Variants in KYNU observed in about 807,000 individuals in gnomAD.
KYNU encodes the protein kynureninase.
Under a neutral mutation model 59.2 loss-of-function variants are expected in KYNU, and 54 were observed. That is an observed-to-expected ratio of 0.91 (90% confidence interval 0.73 to 1.14). The LOEUF is 1.14. Among genes scored for constraint, KYNU ranks in the 50% most tolerant of loss-of-function variants. The pLI is 0.00. For synonymous variants in KYNU, 177 were observed against 192.0 expected, an observed-to-expected ratio of 0.92 and a Z score of 0.65; for missense variants, 567 against 554.4, an observed-to-expected ratio of 1.02 and a Z score of -0.23.
Position 143,046,227 on chromosome 2 carries a change from A to T in KYNU, c.*4055A>T, listed in dbSNP as rs1050549407. The T allele has an allele frequency of 1.2e-4, 19 of 152,156 alleles. No homozygotes were observed. The highest frequency in any genetic ancestry group is 4.6e-4 in the African/African-American group (19 of 41,450). 9.4% of individuals were successfully genotyped at this position (152,156 alleles called of 1,614,324 possible). A position where few individuals can be genotyped will look rare whatever the true frequency, so the allele number is the denominator to read the frequency against. ...CTTTCTTTAAGTTTTACACCCATGT[A>T]TGTACCCATAAAAATCTATTAGCTA... On this transcript the variant is annotated 3_prime_UTR_variant, in exon 14 of 14. Transcript: ENST00000264170.
At chr2:142,999,514 T>C (rs1211399459) in intron 10 of KYNU, among the ~76,000 whole-genome samples, 1 of 152,110 alleles carries the variant, frequency 6.6e-6, no homozygotes, top group African/African-American at 2.4e-5. Context: ...CTTAGCTGAG[T>C]GTTTGAGGAG....
At chr2:142,912,703 CTTTTTTTTTTTTTT>C (rs1163302368) in intron 2 of KYNU, among the ~76,000 whole-genome samples, 4 of 71,836 alleles carry the variant, frequency 5.6e-5, no homozygotes, top group African/African-American at 2.1e-4. Flanking sequence ...TTCTTTCTTC[CTTTTTTTTTTTTTT>C]TTTTTTTTTT....
At chr2:143,006,398 G>A (rs895298958) in intron 10 of KYNU, among the ~76,000 whole-genome samples, 12 of 151,854 alleles carry the variant, frequency 7.9e-5, no homozygotes, top group African/African-American at 2.7e-4. Context: ...CTGGCTCGGA[G>A]GGTCCTACGC....
chr2:142,949,521 A>G (rs567022819), intron 4 of KYNU, among the ~76,000 whole-genome samples: 30 of 152,370 alleles, frequency 2.0e-4, no homozygotes, highest in African/African-American at 7.2e-4. Flanking sequence ...ACCATGTGGA[A>G]GCTGCCAAGG....
At chr2:143,027,388 T>A (rs1253139678) in intron 10 of KYNU, among the ~76,000 whole-genome samples, 1 of 152,238 alleles carries the variant, frequency 6.6e-6, no homozygotes, top group Non-Finnish European at 1.5e-5. Context: ...TCATTTTGTA[T>A]ATTTGATATA....
chr2:142,953,280 A>G (rs1263186562), intron 4 of KYNU, among the ~76,000 whole-genome samples: 1 of 152,228 alleles, frequency 6.6e-6, no homozygotes, highest in Admixed American at 6.5e-5. Context: ...GATTATGTGG[A>G]ACAATTGAAG....
chr2:142,896,950 A>G (rs1400213457), intron 2 of KYNU, among the ~76,000 whole-genome samples: 1 of 152,132 alleles, frequency 6.6e-6, no homozygotes, highest in African/African-American at 2.4e-5. Context: ...TTTTTCTTTT[A>G]TGGATTGTGC....
chr2:143,029,488 A>T, intron 10 of KYNU, 139 bp from the exon 11 acceptor site: 1 of 673,446 alleles, frequency 1.5e-6, no homozygotes, highest in Non-Finnish European at 2.7e-6. Flanking sequence ...TGAGAGGCTA[A>T]GGCACAAGAA....
intron 1 of KYNU, among the ~76,000 whole-genome samples, chr2:142,883,803 T>A (rs1020373580): frequency 1.3e-5 from 2 of 152,226 alleles, no homozygotes; most frequent in Non-Finnish European, 2.9e-5. Context: ...ACTACATTGT[T>A]TTTCTATTCT....
chr2:142,934,109 C>T (rs1332863462), intron 4 of KYNU, among the ~76,000 whole-genome samples: 4 of 152,092 alleles, frequency 2.6e-5, no homozygotes, highest in Non-Finnish European at 5.9e-5. Context: ...ACAGGTAGAA[C>T]TGGTTTGTTA....
At chr2:143,014,428 T>G (rs1686196051) in intron 10 of KYNU, among the ~76,000 whole-genome samples, 1 of 152,202 alleles carries the variant, frequency 6.6e-6, no homozygotes, top group Non-Finnish European at 1.5e-5. Flanking sequence ...GTTTCTTCAG[T>G]TTTCTTTTAT....
At chr2:142,951,801 T>C (rs1190954891) in intron 4 of KYNU, among the ~76,000 whole-genome samples, 1 of 152,244 alleles carries the variant, frequency 6.6e-6, no homozygotes, top group Non-Finnish European at 1.5e-5. Context: ...TTTAAAGTGG[T>C]CCATTGTACA....
At chr2:142,971,530 A>G (rs905910514) in intron 8 of KYNU, 8 of 152,176 alleles carry the variant, frequency 5.3e-5, no homozygotes, top group Admixed American at 2.6e-4. Context: ...TGAAAAATGT[A>G]TCATTGGCCA....
rs1210197997 is a variant in KYNU at position 143,006,471 on chromosome 2, G to A, written c.902+20450G>A. ...GATCAAACTGCAAGGTGGCAGCGAG[G>A]CTGGGGGAGGGGCGCCCGCCATTGC... is the stretch of plus-strand genomic sequence containing the variant. On this transcript the variant is annotated intron_variant, in intron 10 of 13. Coordinates refer to ENST00000264170, the MANE Select transcript of KYNU (RefSeq NM_003937.3). Among the ~76,000 whole-genome samples the A allele has an allele frequency of 2.7e-4, 39 of 143,748 alleles. 1 individual carries two copies. Among genetic ancestry groups the A allele is most frequent in the African/African-American group, 1.0e-3 (39 of 38,030 alleles). 94.3% of individuals were successfully genotyped at this position (143,748 alleles called of 152,430 possible). A position where few individuals can be genotyped will look rare whatever the true frequency, so the allele number is the denominator to read the frequency against.
rs115312745 is a variant in KYNU, at chr2:142,934,162, C to G, written c.373+6421C>G. Reference sequence around the variant, plus strand: ...GTGGAGTAGGCGACTGGTGAGGAGGCGAAAATGATAGGCTTTAGGCCTATG... The same window carrying G: ...GTGGAGTAGGCGACTGGTGAGGAGGGGAAAATGATAGGCTTTAGGCCTATG... On this transcript the variant is annotated intron_variant, in intron 4 of 13. Coordinates refer to ENST00000264170, the MANE Select transcript of KYNU (RefSeq NM_003937.3). 7.7e-3 allele frequency among the ~76,000 whole-genome samples: 1,173 copies of G among 151,870 alleles called. 14 individuals carry two copies. The highest frequency in any genetic ancestry group is 0.027 in the African/African-American group (1,100 of 41,380).
intron 3 of KYNU, among the ~76,000 whole-genome samples, chr2:142,924,011 A>G (rs1481912843): frequency 6.6e-6 from 1 of 152,228 alleles, no homozygotes; most frequent in Non-Finnish European, 1.5e-5. Flanking sequence ...TCTTCCATTA[A>G]AAGCAATAGT....
At chr2:143,005,995 G>A (rs1685871247) in intron 10 of KYNU, among the ~76,000 whole-genome samples, 1 of 152,182 alleles carries the variant, frequency 6.6e-6, no homozygotes, top group Non-Finnish European at 1.5e-5. Flanking sequence ...ATGGCTCTGG[G>A]AGGAAATATC....
chr2:142,879,081 T>G (rs1681199491), intron 1 of KYNU, among the ~76,000 whole-genome samples: 1 of 152,238 alleles, frequency 6.6e-6, no homozygotes, highest in African/African-American at 2.4e-5. Flanking sequence ...CCTTTCAGAA[T>G]ATGAGCATGT....
At chr2:142,906,988 G>C (rs1437843570) in intron 2 of KYNU, among the ~76,000 whole-genome samples, 2 of 152,186 alleles carry the variant, frequency 1.3e-5, no homozygotes, top group African/African-American at 4.8e-5. Context: ...TAGTCCGGTG[G>C]CCATGCTAAT....
Sources: allele counts gnomAD v4.1 joint callset (sites outside exome capture counted in the v4.1 genomes callset), GRCh38; gene constraint gnomAD v4.1.1; transcripts MANE v1.5; gene names NCBI Gene and HGNC (gene_info 2026-07-23, HGNC 2026-07-21).